Variants in PTPRD observed in about 807,000 individuals in gnomAD.
PTPRD encodes the protein receptor-type tyrosine-protein phosphatase delta.
PTPRD carries 34 observed loss-of-function variants against 214.5 expected under a neutral mutation model. That is an observed-to-expected ratio of 0.16 (90% CI 0.12 to 0.21). PTPRD has a LOEUF of 0.21. PTPRD is among the 10% of genes least tolerant of loss of function. PTPRD has a pLI of 1.00. For missense variants in PTPRD, 2,545 were observed against 2,398.7 expected (o/e 1.06, Z -1.27); for synonymous variants, 1,128 against 845.7 (o/e 1.33, Z -5.79).
intron 5 of PTPRD, among the ~76,000 whole-genome samples, chr9:9,937,637 T>C (rs1266255917): frequency 6.6e-6 from 1 of 152,168 alleles, no homozygotes; most frequent in Non-Finnish European, 1.5e-5. Context: ...ATAGACCAAA[T>C]ACTTATTACA....
At chr9:10,379,385 G>A (rs1015906109) in intron 2 of PTPRD, among the ~76,000 whole-genome samples, 4 of 151,590 alleles carry the variant, frequency 2.6e-5, no homozygotes, top group African/African-American at 7.3e-5. Context: ...GCTCTAGCTG[G>A]GAGTTCCTGT....
intron 2 of PTPRD, among the ~76,000 whole-genome samples, chr9:10,543,277 C>T (rs562957669): frequency 2.0e-5 from 3 of 152,096 alleles, no homozygotes; most frequent in East Asian, 1.9e-4. Context: ...TTGTCTAAAG[C>T]AATTTATGAA....
chr9:10,509,477 C>CTATCTATCTATCTATT (rs1484197344), intron 2 of PTPRD, among the ~76,000 whole-genome samples: 8 of 89,188 alleles, frequency 9.0e-5, no homozygotes, highest in African/African-American at 2.1e-4. Flanking sequence ...ATCCATCTAT[C>CTATCTATCTATCTATT]TATCTATCTA....
chr9:8,439,261 A>T (rs1243357878), intron 34 of PTPRD, among the ~76,000 whole-genome samples: 1 of 152,186 alleles, frequency 6.6e-6, no homozygotes, highest in Non-Finnish European at 1.5e-5. Context: ...GGGACAAATC[A>T]CCTTTTGTGA....
At chr9:9,308,639 A>G (rs2135347438) in intron 9 of PTPRD, among the ~76,000 whole-genome samples, 1 of 152,308 alleles carries the variant, frequency 6.6e-6, no homozygotes, top group East Asian at 1.9e-4. Context: ...AATGGAAAGA[A>G]TCCCAAAATG....
At chr9:9,214,018 C>T (rs1238202496) in intron 9 of PTPRD, among the ~76,000 whole-genome samples, 2 of 152,114 alleles carry the variant, frequency 1.3e-5, no homozygotes, top group Non-Finnish European at 2.9e-5. Context: ...GGTGGAACAA[C>T]AGATAAATGT....
At chr9:10,082,113 C>T (rs1469305983) in intron 3 of PTPRD, among the ~76,000 whole-genome samples, 1 of 152,022 alleles carries the variant, frequency 6.6e-6, no homozygotes, top group Non-Finnish European at 1.5e-5. Flanking sequence ...CAAAATGAAC[C>T]TCTTCATTAT....
At chr9:8,984,093 T>C (rs2154342280) in intron 11 of PTPRD, among the ~76,000 whole-genome samples, 1 of 152,162 alleles carries the variant, frequency 6.6e-6, no homozygotes, top group South Asian at 2.1e-4. Context: ...AAAAACTACA[T>C]GTGTATATTG....
intron 9 of PTPRD, among the ~76,000 whole-genome samples, chr9:9,339,262 G>C (rs2045826321): frequency 6.6e-6 from 1 of 151,784 alleles, no homozygotes; most frequent in Non-Finnish European, 1.5e-5. Flanking sequence ...TGGATCACGA[G>C]GTCAGGAGAT....
At chr9:9,931,716 G>C (rs149710623) in intron 5 of PTPRD, among the ~76,000 whole-genome samples, 5,562 of 151,774 alleles carry the variant, frequency 0.037, 149 homozygotes, top group Non-Finnish European at 0.057. Context: ...GAACTGGGTG[G>C]AGTCCACCAC....
chr9:9,221,230 T>A (rs2099955774), intron 9 of PTPRD, among the ~76,000 whole-genome samples: 1 of 152,122 alleles, frequency 6.6e-6, no homozygotes, highest in South Asian at 2.1e-4. Context: ...GAGAAAAGCA[T>A]CATCTTTCTT....
intron 8 of PTPRD, among the ~76,000 whole-genome samples, chr9:9,423,580 T>TA (rs2079659242): frequency 6.6e-6 from 1 of 152,184 alleles, no homozygotes; most frequent in Non-Finnish European, 1.5e-5. Flanking sequence ...AACATACTCA[T>TA]AAGTGATACA....
intron 4 of PTPRD, among the ~76,000 whole-genome samples, chr9:9,948,270 A>T (rs1022337114): frequency 6.6e-6 from 1 of 152,074 alleles, no homozygotes; most frequent in East Asian, 1.9e-4. Context: ...CTCTATCAAC[A>T]CGACTTTCAC....
intron 11 of PTPRD, among the ~76,000 whole-genome samples, chr9:8,764,956 C>A (rs559280550): frequency 6.6e-6 from 1 of 151,980 alleles, no homozygotes; most frequent in Non-Finnish European, 1.5e-5. Context: ...AATTCTGGGT[C>A]CCAATATTAT....
chr9:8,547,664 G>C (rs1480713533), intron 14 of PTPRD, among the ~76,000 whole-genome samples: 2 of 146,034 alleles, frequency 1.4e-5, no homozygotes, highest in Non-Finnish European at 3.0e-5. Context: ...AAAAAAAAGA[G>C]AGTGACTATT....
intron 11 of PTPRD, among the ~76,000 whole-genome samples, chr9:8,737,894 T>G (rs2154441702): frequency 6.6e-6 from 1 of 152,212 alleles, no homozygotes; most frequent in East Asian, 1.9e-4. Context: ...TGTGATCCGC[T>G]CGCCTCGGCC....
chr9:8,956,890 G>A (rs1189802077), intron 11 of PTPRD, among the ~76,000 whole-genome samples: 1 of 151,744 alleles, frequency 6.6e-6, no homozygotes, highest in Admixed American at 6.6e-5. Flanking sequence ...CTAATTATTT[G>A]GGAGGCCTAA....
chr9:9,693,200 T>C (rs920093928), intron 7 of PTPRD, among the ~76,000 whole-genome samples: 1 of 151,174 alleles, frequency 6.6e-6, no homozygotes, highest in Non-Finnish European at 1.5e-5. Context: ...TTGTTCCAGA[T>C]CTGGTATGGT....
intron 5 of PTPRD, among the ~76,000 whole-genome samples, chr9:9,931,911 C>A (rs1296836448): frequency 1.3e-5 from 2 of 151,278 alleles, no homozygotes; most frequent in South Asian, 2.1e-4. Context: ...TCAAGTGGGT[C>A]CCTGACCCCT....
Sources: allele counts gnomAD v4.1 joint callset (sites outside exome capture counted in the v4.1 genomes callset), GRCh38; gene constraint gnomAD v4.1.1; transcripts MANE v1.5; gene names NCBI Gene and HGNC (gene_info 2026-07-23, HGNC 2026-07-21).